Variants in MBD5 observed in about 807,000 individuals in gnomAD.
MBD5 encodes the protein methyl-CpG binding domain protein 5.
A neutral mutation model predicts 117.3 loss-of-function variants in MBD5; 13 were observed. The observed-to-expected ratio is 0.11, with a 90% CI of 0.07 to 0.18. The LOEUF (loss-of-function observed/expected upper bound fraction) is 0.18, where lower values mean the gene tolerates loss of function less well. Ranked by LOEUF, MBD5 falls within the 10% of genes least tolerant of loss-of-function variation. The probability of loss-of-function intolerance (pLI) is 1.00; values close to 1 mark genes in which losing one functional copy is unlikely to be tolerated. For missense variants in MBD5, 1,879 were observed against 2,093.8 expected (o/e 0.90, Z 2.00); for synonymous variants, 727 against 766.4 (o/e 0.95, Z 0.85).
intron 4 of MBD5, among the ~76,000 whole-genome samples, chr2:148,401,363 A>C (rs1375878196): frequency 6.6e-6 from 1 of 152,090 alleles, no homozygotes; most frequent in African/African-American, 2.4e-5. Context: ...TCAAAAAAAA[A>C]ACATAGAAAC....
At chr2:148,374,200 A>G (rs1040603748) in intron 4 of MBD5, among the ~76,000 whole-genome samples, 15 of 151,858 alleles carry the variant, frequency 9.9e-5, no homozygotes, top group African/African-American at 3.6e-4. Context: ...CTTTGCACAC[A>G]AAGCCCATTT....
chr2:148,422,157 G>A (rs1705629363), intron 4 of MBD5, among the ~76,000 whole-genome samples: 1 of 152,164 alleles, frequency 6.6e-6, no homozygotes, highest in Non-Finnish European at 1.5e-5. Context: ...TTCAGTAGGG[G>A]CTGACAGACA....
chr2:148,141,150 G>C (rs1413238997), intron 1 of MBD5, among the ~76,000 whole-genome samples: 1 of 152,146 alleles, frequency 6.6e-6, no homozygotes, highest in African/African-American at 2.4e-5. Context: ...GTCAGACTAG[G>C]TGAATGTATT....
intron 1 of MBD5, among the ~76,000 whole-genome samples, chr2:148,068,915 T>A (rs1481869851): frequency 6.6e-6 from 1 of 152,210 alleles, no homozygotes; most frequent in African/African-American, 2.4e-5. Flanking sequence ...TTGATTATAA[T>A]TTTAAGTAAT....
At chr2:148,330,424 G>A (rs1574297431) in intron 3 of MBD5, 1 of 152,210 alleles carries the variant, frequency 6.6e-6, no homozygotes, top group East Asian at 1.9e-4. Context: ...AGGAAAGAAT[G>A]GTGAGAAGTC....
At chr2:148,412,273 TG>T (rs1434300871) in intron 4 of MBD5, among the ~76,000 whole-genome samples, 1,372 of 26,044 alleles carry the variant, frequency 0.053, 24 homozygotes, top group African/African-American at 0.24. Context: ...GTATACTTTT[TG>T]TGTGTGTGTG....
intron 4 of MBD5, among the ~76,000 whole-genome samples, chr2:148,397,294 C>A (rs999207578): frequency 1.4e-5 from 2 of 145,792 alleles, no homozygotes; most frequent in African/African-American, 5.0e-5. Context: ...GAATGTGCAT[C>A]TTGTGGCCCA....
intron 3 of MBD5, among the ~76,000 whole-genome samples, chr2:148,297,974 T>A (rs1701694836): frequency 6.6e-6 from 1 of 152,202 alleles, no homozygotes; most frequent in Admixed American, 6.5e-5. Context: ...AGCCTGAAGC[T>A]AAGGTTAGGA....
intron 1 of MBD5, among the ~76,000 whole-genome samples, chr2:148,109,580 C>CA (rs1696460511): frequency 6.6e-6 from 1 of 151,870 alleles, no homozygotes; most frequent in Non-Finnish European, 1.5e-5. Flanking sequence ...TACAAATGAT[C>CA]AAAAATTTTT....
rs1706843547 is a variant in MBD5 at position 148,455,119 on chromosome 2, TC to T, written c.-556-3083del. On this transcript the variant is annotated intron_variant, in intron 4 of 13. Coordinates refer to ENST00000642680, the MANE Select transcript of MBD5 (RefSeq NM_001378120.1). ...CAGTTTTTATTTTCATCTTCAAACT[TC>T]TCTGTATTTTCCAAATTCACAAGAT... Among the ~76,000 whole-genome samples, 2 of 152,272 alleles carry T rather than the reference TC, an allele frequency of 1.3e-5. 1 individual carries two copies. Among genetic ancestry groups the T allele is most frequent in the East Asian group, 3.9e-4 (2 of 5,188 alleles).
At chr2:148,435,377 G>C (rs1706124663) in intron 4 of MBD5, among the ~76,000 whole-genome samples, 1 of 152,082 alleles carries the variant, frequency 6.6e-6, no homozygotes, top group Non-Finnish European at 1.5e-5. Context: ...ACTGTTTTTG[G>C]AATGGCTGGT....
chr2:148,035,382 A>G (rs1285530008), intron 1 of MBD5, among the ~76,000 whole-genome samples: 1 of 152,126 alleles, frequency 6.6e-6, no homozygotes, highest in African/African-American at 2.4e-5. Flanking sequence ...TTTTTTAGAA[A>G]TAAAATTATC....
intron 4 of MBD5, among the ~76,000 whole-genome samples, chr2:148,427,624 C>T (rs890635501): frequency 1.3e-5 from 2 of 151,828 alleles, no homozygotes; most frequent in African/African-American, 2.4e-5. Flanking sequence ...GAACATCACA[C>T]ACCGGGGCCT....
chr2:148,147,363 C>A (rs542667485), intron 1 of MBD5, among the ~76,000 whole-genome samples: 1 of 151,850 alleles, frequency 6.6e-6, no homozygotes, highest in Non-Finnish European at 1.5e-5. Context: ...TTGCCTCAGC[C>A]CCCGAGAAGC....
chr2:148,362,436 A>G (rs768026056), intron 4 of MBD5, among the ~76,000 whole-genome samples: 5 of 152,086 alleles, frequency 3.3e-5, no homozygotes, highest in Non-Finnish European at 5.9e-5. Context: ...GCCTCTCTAG[A>G]TCCCTCCTCT....
At chr2:148,441,468 G>A (rs528475516) in intron 4 of MBD5, among the ~76,000 whole-genome samples, 1 of 151,934 alleles carries the variant, frequency 6.6e-6, no homozygotes, top group Non-Finnish European at 1.5e-5. Flanking sequence ...GTATTCCATG[G>A]TGTATATGTG....
chr2:148,026,612 G>C (rs143177194), intron 1 of MBD5: 73 of 152,214 alleles, frequency 4.8e-4, no homozygotes, highest in African/African-American at 1.7e-3. Context: ...CACAGAGCGG[G>C]ACCTTGTCTC....
chr2:148,106,350 T>G (rs1696373123), intron 1 of MBD5, among the ~76,000 whole-genome samples: 1 of 151,994 alleles, frequency 6.6e-6, no homozygotes. Context: ...TACTCATATC[T>G]AGGAATGCCT....
chr2:148,503,926 C>T (rs922935635), intron 12 of MBD5, among the ~76,000 whole-genome samples: 3 of 152,150 alleles, frequency 2.0e-5, no homozygotes, highest in African/African-American at 4.8e-5. Flanking sequence ...TAAAGGAGCC[C>T]TGAAAATGTT....
Sources: gnomAD v4.1 joint callset for allele counts (sites outside exome capture counted in the v4.1 genomes callset) on GRCh38, gnomAD v4.1.1 for gene constraint, MANE v1.5 for transcripts, NCBI Gene and HGNC (gene_info 2026-07-23, HGNC 2026-07-21) for gene names.